The following RYR2 variants were observed in gnomAD, a reference collection of about 807,000 sequenced individuals.
The protein encoded by RYR2 is ryanodine receptor 2.
RYR2 carries 227 observed loss-of-function variants against 601.1 expected under a neutral mutation model. The observed-to-expected ratio is 0.38, with a 90% CI of 0.34 to 0.42. The LOEUF is 0.42. RYR2 is among the 10% of genes least tolerant of loss of function. The pLI is 1.00. For missense variants in RYR2, 4,646 were observed against 6,156.5 expected (o/e 0.75, Z 8.21); for synonymous variants, 2,223 against 2,175.1 (o/e 1.02, Z -0.61).
intron 27 of RYR2, among the ~76,000 whole-genome samples, chr1:237,560,603 G>T (rs964179995): frequency 3.3e-5 from 5 of 152,194 alleles, no homozygotes; most frequent in Admixed American, 6.5e-5. Context: ...TCACTAGTTT[G>T]CTGTTCTTAC....
At chr1:237,515,972 CCTT>C (rs1187346641) in intron 24 of RYR2, among the ~76,000 whole-genome samples, 1 of 131,888 alleles carries the variant, frequency 7.6e-6, no homozygotes, top group South Asian at 2.6e-4. Flanking sequence ...TCGCTCTTCT[CCTT>C]CTTCTCCTCC....
chr1:237,368,798 C>CGTTTGTTTGTTT (rs539636248), intron 5 of RYR2, among the ~76,000 whole-genome samples: 50 of 137,848 alleles, frequency 3.6e-4, no homozygotes, highest in South Asian at 6.7e-4. Flanking sequence ...GTTGAATCAA[C>CGTTTGTTTGTTT]GTTTATTTAT....
Position 237,174,539 on chromosome 1 carries a change from CT to C in RYR2, c.49-95957del, listed in dbSNP as rs774826379. Reference sequence around the variant, plus strand: ...CACTGTTCACCCACTACCCCAACCCCTGACCTCTCTTTTCATCTGGCCCTTC... The same window carrying C: ...CACTGTTCACCCACTACCCCAACCCCGACCTCTCTTTTCATCTGGCCCTTC... On this transcript the variant is annotated intron_variant, in intron 1 of 104. Coordinates refer to ENST00000366574, the MANE Select transcript of RYR2 (RefSeq NM_001035.3). Among the ~76,000 whole-genome samples, 6 of 152,212 alleles carry C rather than the reference CT, an allele frequency of 3.9e-5. No homozygotes were observed. The East Asian group carries it at 9.6e-4, about 24-fold the overall frequency.
At chr1:237,433,616 T>G (rs1707058906) in intron 12 of RYR2, among the ~76,000 whole-genome samples, 1 of 152,188 alleles carries the variant, frequency 6.6e-6, no homozygotes, top group Non-Finnish European at 1.5e-5. Flanking sequence ...TGGTCTCTGT[T>G]CTTTAAAATA....
chr1:237,500,976 C>T, intron 21 of RYR2, 73 bp downstream of exon 21: 1 of 1,348,590 alleles, frequency 7.4e-7, no homozygotes, highest in East Asian at 2.3e-5. Flanking sequence ...TCTGCACTGC[C>T]ATTGCCCTTC....
intron 61 of RYR2, among the ~76,000 whole-genome samples, chr1:237,679,306 A>G (rs2148930971): frequency 6.6e-6 from 1 of 152,242 alleles, no homozygotes. Context: ...CTTAATTTCT[A>G]CTAAGTCTAT....
intron 63 of RYR2, among the ~76,000 whole-genome samples, chr1:237,697,730 A>C (rs1456036215): frequency 6.6e-6 from 1 of 151,614 alleles, no homozygotes; most frequent in Non-Finnish European, 1.5e-5. Context: ...AAGTGAATTA[A>C]TCATCAAATG....
At chr1:237,451,988 T>TGTG (rs1558841580) in intron 14 of RYR2, among the ~76,000 whole-genome samples, 35 of 43,088 alleles carry the variant, frequency 8.1e-4, no homozygotes, top group African/African-American at 1.7e-3. Flanking sequence ...GTATGTGTGT[T>TGTG]TGTGTGTGTG....
intron 80 of RYR2, among the ~76,000 whole-genome samples, chr1:237,755,624 A>T (rs2149259904): frequency 6.6e-6 from 1 of 152,252 alleles, no homozygotes; most frequent in African/African-American, 2.4e-5. Flanking sequence ...TTTCAGTGGT[A>T]GCTTAAGTGG....
chr1:237,179,705 C>T (rs1386943517), intron 1 of RYR2, among the ~76,000 whole-genome samples: 2 of 152,098 alleles, frequency 1.3e-5, no homozygotes, highest in Non-Finnish European at 2.9e-5. Context: ...CCACCAGCTG[C>T]GTTGCTGATG....
chr1:237,497,913 G>A (rs1336810235), intron 20 of RYR2, among the ~76,000 whole-genome samples: 2 of 151,916 alleles, frequency 1.3e-5, no homozygotes, highest in African/African-American at 2.4e-5. Flanking sequence ...CCAGGCTGGA[G>A]TGCAGTGGTG....
chr1:237,275,196 T>G lies in RYR2; in HGVS notation c.168+4580T>G, dbSNP rs946313426. On this transcript the variant is annotated intron_variant, in intron 2 of 104. Transcript: ENST00000366574. ...ATGAAATTATATATTTATAGTATTT[T>G]TTAATTAAAATATGCATTTTAACAA... 1.2e-4 allele frequency among the ~76,000 whole-genome samples: 18 copies of G among 152,074 alleles called. No homozygotes were observed. In the South Asian group the frequency reaches 1.2e-3, roughly 11 times the overall value.
At chr1:237,773,731 C>T in intron 87 of RYR2, 83 bp downstream of exon 87, 1 of 1,046,964 alleles carries the variant, frequency 9.6e-7, no homozygotes, top group Non-Finnish European at 1.4e-6. Flanking sequence ...TCCATATCTC[C>T]TATTGACCCC....
chr1:237,443,201 C>CT (rs1198211026), intron 13 of RYR2, among the ~76,000 whole-genome samples: 8 of 151,388 alleles, frequency 5.3e-5, no homozygotes, highest in South Asian at 2.1e-4. Flanking sequence ...AGTTTTCATG[C>CT]TTTTTTTTTC....
chr1:237,235,692 A>G (rs532342499), intron 1 of RYR2, among the ~76,000 whole-genome samples: 1 of 152,354 alleles, frequency 6.6e-6, no homozygotes, highest in Non-Finnish European at 1.5e-5. Flanking sequence ...GCTGACTTAT[A>G]TAACCCAAGT....
At chr1:237,627,703 A>T (rs1679826098) in intron 40 of RYR2, 104 bp from the exon 41 acceptor site, 5 of 1,214,904 alleles carry the variant, frequency 4.1e-6, no homozygotes, top group Non-Finnish European at 4.5e-6. Flanking sequence ...AGCCTGGTAC[A>T]AATAGAAATA....
At chr1:237,503,646 C>G (rs868440846) in intron 22 of RYR2, 141 bp downstream of exon 22, 27 of 705,868 alleles carry the variant, frequency 3.8e-5, no homozygotes, top group Middle Eastern at 4.1e-4. Context: ...TGAAATGAGT[C>G]TCATAAAATA....
chr1:237,625,703 A>C lies in RYR2; in HGVS notation c.6065A>C (p.Asp2022Ala). The C allele has an allele frequency of 1.2e-6, 2 of 1,613,788 alleles. No individual in the cohort carries two copies. Reference sequence around the variant, plus strand: ...GATGGGTCTCTGGATGGAAACAGTGATTTAACAATTAGAGGGCGTCTGCTA... The same window carrying C: ...GATGGGTCTCTGGATGGAAACAGTGCTTTAACAATTAGAGGGCGTCTGCTA... ...DEDGSLDGNS[D>A]LTIRGRLLSL... The change falls in exon 40 of 105, where the codon GAT becomes GCT. Residue 2022 changes from aspartate to alanine, a missense_variant. Coordinates refer to ENST00000366574, the MANE Select transcript of RYR2 (RefSeq NM_001035.3).
At chr1:237,060,203 A>C (rs529953756) in intron 1 of RYR2, among the ~76,000 whole-genome samples, 1 of 152,212 alleles carries the variant, frequency 6.6e-6, no homozygotes, top group South Asian at 2.1e-4. Flanking sequence ...ATAAAATTAT[A>C]TGATTACTAC....
Sources: gnomAD v4.1 joint callset for allele counts (sites outside exome capture counted in the v4.1 genomes callset) on GRCh38, gnomAD v4.1.1 for gene constraint, MANE v1.5 for transcripts, NCBI Gene and HGNC (gene_info 2026-07-23, HGNC 2026-07-21) for gene names.